CDH6: variants seen among roughly 807,000 people sequenced by gnomAD.
The protein encoded by CDH6 is cadherin-6.
In CDH6, 31 loss-of-function variants were observed where a neutral mutation model predicts 78.0. The observed-to-expected ratio is 0.40, with a 90% confidence interval of 0.30 to 0.54. CDH6 has a LOEUF of 0.54. CDH6 is among the 20% of genes least tolerant of loss of function. CDH6 has a pLI of 0.56. For synonymous variants in CDH6, 376 were observed against 368.8 expected (o/e 1.02, Z -0.23); for missense variants, 724 against 975.9 (o/e 0.74, Z 3.44).
intron 8 of CDH6, 75 bp from the exon 9 acceptor site, chr5:31,316,133 T>C (rs2149959158): frequency 6.7e-7 from 1 of 1,482,968 alleles, no homozygotes; most frequent in Non-Finnish European, 9.1e-7. Flanking sequence ...AATGAAGGAG[T>C]TGAGCGGATG....
chr5:31,213,615 A>T (rs1395309177), intron 1 of CDH6, among the ~76,000 whole-genome samples: 2 of 152,140 alleles, frequency 1.3e-5, no homozygotes, highest in Non-Finnish European at 2.9e-5. Flanking sequence ...CCTTTTTTTA[A>T]AGCCTTTTCG....
intron 2 of CDH6, among the ~76,000 whole-genome samples, chr5:31,293,440 G>T (rs1016071246): frequency 2.0e-5 from 3 of 152,082 alleles, no homozygotes; most frequent in Admixed American, 2.0e-4. Flanking sequence ...CAAGGAGGTT[G>T]CCAAGCTTCC....
At chr5:31,257,442 C>T (rs1465260524) in intron 1 of CDH6, among the ~76,000 whole-genome samples, 1 of 152,240 alleles carries the variant, frequency 6.6e-6, no homozygotes, top group Admixed American at 6.5e-5. Context: ...GGATTACAGG[C>T]GTGAGCCACC....
rs1360458008 is a variant in CDH6 at position 31,326,024 on chromosome 5, T to C, written c.*2716T>C. ...CAAACATCATTGCATGCGCAGGTTT[T>C]TTTTTTAATTGCTAGGTCCCAGGCA... On this transcript the variant is annotated 3_prime_UTR_variant, in exon 12 of 12. Coordinates refer to ENST00000265071, the MANE Select transcript of CDH6 (RefSeq NM_004932.4). The C allele has an allele frequency of 8.6e-6, 2 of 232,186 alleles. No homozygotes were observed. The highest frequency in any genetic ancestry group is 1.7e-5 in the Non-Finnish European group (2 of 117,500). 14.4% of individuals were successfully genotyped at this position (232,186 alleles called of 1,614,324 possible). A position where few individuals can be genotyped will look rare whatever the true frequency, so the allele number is the denominator to read the frequency against.
chr5:31,320,393 T>A (rs540733605), intron 11 of CDH6, among the ~76,000 whole-genome samples: 1 of 152,200 alleles, frequency 6.6e-6, no homozygotes, highest in Non-Finnish European at 1.5e-5. Context: ...AAGCTATAGA[T>A]ACCTTAAGCC....
intron 1 of CDH6, among the ~76,000 whole-genome samples, chr5:31,227,196 G>A (rs1741177500): frequency 6.6e-6 from 1 of 152,108 alleles, no homozygotes; most frequent in Non-Finnish European, 1.5e-5. Flanking sequence ...AAACTAAGTT[G>A]GGCGAGAGAC....
intron 7 of CDH6, among the ~76,000 whole-genome samples, chr5:31,307,846 A>G (rs907952835): frequency 2.6e-5 from 4 of 152,144 alleles, no homozygotes; most frequent in African/African-American, 9.7e-5. Context: ...CATACCAAAT[A>G]CCATTTTTAC....
rs374592636 is a variant in CDH6 at position 31,268,029 on chromosome 5, C to A, written c.228+328C>A. Among the ~76,000 whole-genome samples the A allele has an allele frequency of 4.8e-4, 73 of 152,250 alleles. 4 individuals are homozygous for A. In the South Asian group the frequency reaches 0.015, roughly 31 times the overall value. On this transcript the variant is annotated intron_variant, in intron 2 of 11. Transcript: ENST00000265071. ...CTATAAAGTAGGGTGTATTAAAAAT[C>A]GGAATGGAGAGATTAAGCTGTAAGG...
At chr5:31,199,164 G>C (rs900681148) in intron 1 of CDH6, among the ~76,000 whole-genome samples, 2 of 151,634 alleles carry the variant, frequency 1.3e-5, no homozygotes, top group South Asian at 4.1e-4. Context: ...ATGATGAAAG[G>C]CAGAGCTACA....
rs867881271 is a variant in CDH6, at chr5:31,316,138, C to T, written c.1391-70C>T. The T allele has an allele frequency of 1.4e-5, 21 of 1,507,420 alleles. No homozygotes were observed. The Middle Eastern group carries it at 5.3e-4, about 38-fold the overall frequency. The allele number at this position is 1,507,420 out of a possible 1,614,324, so 93.4% of individuals were successfully genotyped here. ...CATGAATGAGAATGAAGGAGTTGAG[C>T]GGATGTTGTCTAAAGGGAATCGGCA... On this transcript the variant is annotated intron_variant, in intron 8 of 11. Coordinates refer to ENST00000265071, the MANE Select transcript of CDH6 (RefSeq NM_004932.4).
chr5:31,194,320 CTTGAT>C (rs1055888922), intron 1 of CDH6, among the ~76,000 whole-genome samples: 5 of 152,168 alleles, frequency 3.3e-5, no homozygotes, highest in Non-Finnish European at 7.4e-5. Flanking sequence ...CCGTTTGGGG[CTTGAT>C]TTATCTCCAC....
intron 1 of CDH6, among the ~76,000 whole-genome samples, chr5:31,260,584 T>A (rs1451661449): frequency 2.6e-5 from 4 of 152,250 alleles, no homozygotes; most frequent in African/African-American, 9.6e-5. Context: ...ATGTGTGGAA[T>A]ATGATTTCAG....
chr5:31,315,836 T>A (rs1303792992), intron 8 of CDH6, among the ~76,000 whole-genome samples: 1 of 152,240 alleles, frequency 6.6e-6, no homozygotes, highest in Non-Finnish European at 1.5e-5. Context: ...TATCCTTTGG[T>A]CTTCTGGTGG....
intron 1 of CDH6, among the ~76,000 whole-genome samples, chr5:31,218,898 A>C (rs1385354994): frequency 6.6e-6 from 1 of 151,996 alleles, no homozygotes; most frequent in Non-Finnish European, 1.5e-5. Flanking sequence ...TTCCTAGCAC[A>C]CTCTGCTTCA....
At chr5:31,227,298 C>T (rs1178599553) in intron 1 of CDH6, among the ~76,000 whole-genome samples, 1 of 152,146 alleles carries the variant, frequency 6.6e-6, no homozygotes, top group East Asian at 1.9e-4. Flanking sequence ...CCACGGTGGA[C>T]GTGGAAGACA....
intron 7 of CDH6, among the ~76,000 whole-genome samples, chr5:31,311,497 A>T (rs1738154076): frequency 6.6e-6 from 1 of 152,182 alleles, no homozygotes; most frequent in African/African-American, 2.4e-5. Context: ...ACCCAGTTCC[A>T]AAGTTGCTTC....
At chr5:31,305,516 CT>C (rs1323744489) in intron 7 of CDH6, 89 bp downstream of exon 7, 4 of 1,363,970 alleles carry the variant, frequency 2.9e-6, no homozygotes, top group Non-Finnish European at 4.0e-6. Context: ...AGATGAATCC[CT>C]TTTGTTCCAA....
chr5:31,205,111 TG>T (rs1740479519), intron 1 of CDH6, among the ~76,000 whole-genome samples: 1 of 152,218 alleles, frequency 6.6e-6, no homozygotes, highest in Non-Finnish European at 1.5e-5. Context: ...AGTTTTAAGA[TG>T]AGGGCATCCC....
In CDH6 at chr5:31,324,813, G is replaced by T. The variant is rs747216629; in HGVS notation, c.*1505G>T. On this transcript the variant is annotated 3_prime_UTR_variant, in exon 12 of 12. Transcript: ENST00000265071. Reference sequence around the variant, plus strand: ...CAGATTCAAATCGTTTATTTCACACGCTGTTCTAATGGCACTTATCATTAG... The same window carrying T: ...CAGATTCAAATCGTTTATTTCACACTCTGTTCTAATGGCACTTATCATTAG... 4.9e-6 allele frequency: 1 copy of T among 204,984 alleles called. No individual in the cohort carries two copies. Among genetic ancestry groups the T allele is most frequent in the Non-Finnish European group, 1.0e-5 (1 of 100,278 alleles). The allele number at this position is 204,984 out of a possible 1,614,324, so 12.7% of individuals were successfully genotyped here. A position where few individuals can be genotyped will look rare whatever the true frequency, so the allele number is the denominator to read the frequency against.
Sources: gnomAD v4.1 joint callset for allele counts (sites outside exome capture counted in the v4.1 genomes callset) on GRCh38, gnomAD v4.1.1 for gene constraint, MANE v1.5 for transcripts, NCBI Gene and HGNC (gene_info 2026-07-23, HGNC 2026-07-21) for gene names.